GALNTL6: variants seen among roughly 807,000 people sequenced by gnomAD.
GALNTL6 encodes the protein polypeptide N-acetylgalactosaminyltransferase-like 6.
Under a neutral mutation model 73.7 loss-of-function variants are expected in GALNTL6, and 46 were observed. The observed-to-expected ratio is 0.62, with a 90% confidence interval of 0.49 to 0.80. The LOEUF (loss-of-function observed/expected upper bound fraction) is 0.80, where lower values mean the gene tolerates loss of function less well. GALNTL6 is among the 30% of genes least tolerant of loss of function. The pLI, the probability that GALNTL6 is intolerant of heterozygous loss-of-function variation, is 0.00. For missense variants in GALNTL6, 604 were observed against 755.0 expected, an observed-to-expected ratio of 0.80 and a Z score of 2.34; for synonymous variants, 259 against 263.7, an observed-to-expected ratio of 0.98 and a Z score of 0.17.
chr4:171,944,586 G>A lies in GALNTL6; in HGVS notation c.138+129868G>A, dbSNP rs576929700. Among the ~76,000 whole-genome samples, 8 of 152,006 alleles carry A rather than the reference G, an allele frequency of 5.3e-5. 1 individual carries two copies. In the South Asian group the frequency reaches 1.7e-3, roughly 32 times the overall value. ...GGTCAAAAGCTTGTGACCTTGAGATGCTTTTAAATATATTTATTGATTTAG... is the reference window on the plus strand; with the variant it reads ...GGTCAAAAGCTTGTGACCTTGAGATACTTTTAAATATATTTATTGATTTAG... On this transcript the variant is annotated intron_variant, in intron 2 of 12. Coordinates refer to ENST00000506823, the MANE Select transcript of GALNTL6 (RefSeq NM_001034845.3).
intron 1 of GALNTL6, among the ~76,000 whole-genome samples, 167 bp downstream of exon 1, chr4:171,814,157 C>T (rs1314434651): frequency 1.3e-5 from 2 of 152,154 alleles, no homozygotes; most frequent in East Asian, 3.9e-4. Context: ...CCAGCCCTCC[C>T]ACACTAAGGA....
intron 5 of GALNTL6, among the ~76,000 whole-genome samples, chr4:172,417,917 G>A (rs1730901668): frequency 6.6e-6 from 1 of 152,068 alleles, no homozygotes; most frequent in African/African-American, 2.4e-5. Flanking sequence ...AGGTTTAGAG[G>A]GTGAAAAATT....
chr4:172,687,184 T>C (rs1227721494), intron 5 of GALNTL6, among the ~76,000 whole-genome samples: 1 of 152,212 alleles, frequency 6.6e-6, no homozygotes, highest in African/African-American at 2.4e-5. Context: ...AGGATCTGTA[T>C]TTCACAAATT....
intron 4 of GALNTL6, among the ~76,000 whole-genome samples, chr4:172,314,648 C>T (rs1361736990): frequency 8.2e-6 from 1 of 122,542 alleles, no homozygotes; most frequent in Non-Finnish European, 1.6e-5. Flanking sequence ...CCCTCTGTAG[C>T]CCAGGCTGGA....
chr4:172,299,241 A>G (rs1739811565), intron 3 of GALNTL6, among the ~76,000 whole-genome samples: 1 of 151,974 alleles, frequency 6.6e-6, no homozygotes, highest in African/African-American at 2.4e-5. Context: ...TATTGCATCT[A>G]TTTGATTCTT....
At chr4:172,981,987 G>T (rs978087661) in intron 10 of GALNTL6, among the ~76,000 whole-genome samples, 69 of 151,968 alleles carry the variant, frequency 4.5e-4, no homozygotes, top group Non-Finnish European at 9.7e-4. Flanking sequence ...TAGAGACGGG[G>T]TTTCTCCATG....
chr4:172,103,121 G>C (rs1016947043), intron 2 of GALNTL6, among the ~76,000 whole-genome samples: 1 of 152,100 alleles, frequency 6.6e-6, no homozygotes, highest in Admixed American at 6.5e-5. Flanking sequence ...TCCTTCTAGA[G>C]AGACTGCAAT....
chr4:172,223,179 C>T (rs570868465), intron 2 of GALNTL6, among the ~76,000 whole-genome samples: 31 of 152,050 alleles, frequency 2.0e-4, no homozygotes, highest in African/African-American at 7.2e-4. Context: ...GTTTTAGCAA[C>T]GGATACCAGT....
chr4:172,203,146 G>T (rs1315258843), intron 2 of GALNTL6, among the ~76,000 whole-genome samples: 1 of 152,064 alleles, frequency 6.6e-6, no homozygotes, highest in African/African-American at 2.4e-5. Context: ...CACTGTAAGG[G>T]TAAAACATTT....
At chr4:171,975,537 G>T (rs1739695068) in intron 2 of GALNTL6, among the ~76,000 whole-genome samples, 1 of 151,972 alleles carries the variant, frequency 6.6e-6, no homozygotes. Context: ...AAGAGATTAG[G>T]CTGAACTGGG....
intron 5 of GALNTL6, among the ~76,000 whole-genome samples, chr4:172,645,336 C>T (rs1023261625): frequency 2.0e-5 from 3 of 151,808 alleles, no homozygotes; most frequent in African/African-American, 7.3e-5. Context: ...CTGCCTTTTC[C>T]ACTTAGGACT....
intron 5 of GALNTL6, among the ~76,000 whole-genome samples, chr4:172,671,826 TCCTTTAACA>T (rs1273701616): frequency 6.6e-6 from 1 of 152,112 alleles, no homozygotes; most frequent in Non-Finnish European, 1.5e-5. Flanking sequence ...TGAAATATGT[TCCTTTAACA>T]CCTAGGGGTT....
At chr4:172,946,499 T>A (rs1002336822) in intron 9 of GALNTL6, among the ~76,000 whole-genome samples, 12 of 152,178 alleles carry the variant, frequency 7.9e-5, no homozygotes, top group African/African-American at 4.8e-5. Flanking sequence ...CAGTGATCAG[T>A]CAAGCTGGAA....
At chr4:171,879,572 G>C (rs1419654521) in intron 2 of GALNTL6, among the ~76,000 whole-genome samples, 1 of 152,048 alleles carries the variant, frequency 6.6e-6, no homozygotes, top group Non-Finnish European at 1.5e-5. Context: ...AATATGATTA[G>C]ACAATTCATC....
At chr4:172,082,038 C>G (rs75730612) in intron 2 of GALNTL6, among the ~76,000 whole-genome samples, 1 of 151,758 alleles carries the variant, frequency 6.6e-6, no homozygotes, top group East Asian at 1.9e-4. Flanking sequence ...CAAATTGCCC[C>G]GCTAATTTTC....
chr4:172,228,412 T>G (rs10005256), intron 2 of GALNTL6, among the ~76,000 whole-genome samples: 60,264 of 151,828 alleles, frequency 0.4, 12,143 homozygotes, highest in African/African-American at 0.42. Context: ...TCTTTTCTTT[T>G]ATTTTCAACT....
chr4:172,408,066 G>A (rs1025765000), intron 5 of GALNTL6, among the ~76,000 whole-genome samples: 1 of 151,982 alleles, frequency 6.6e-6, no homozygotes, highest in Non-Finnish European at 1.5e-5. Context: ...GTAGCCATTT[G>A]TTCTTTTTGC....
At chr4:172,236,615 T>C (rs1737251551) in intron 3 of GALNTL6, among the ~76,000 whole-genome samples, 1 of 152,080 alleles carries the variant, frequency 6.6e-6, no homozygotes, top group Admixed American at 6.5e-5. Flanking sequence ...ATTACATACT[T>C]TGTTAGTGTT....
At chr4:172,367,048 C>T (rs1320535581) in intron 5 of GALNTL6, among the ~76,000 whole-genome samples, 1 of 152,158 alleles carries the variant, frequency 6.6e-6, no homozygotes, top group Non-Finnish European at 1.5e-5. Context: ...AGGTGCAAAG[C>T]ACTTTGAAAG....
Sources: gnomAD v4.1 joint callset for allele counts (sites outside exome capture counted in the v4.1 genomes callset) on GRCh38, gnomAD v4.1.1 for gene constraint, MANE v1.5 for transcripts, NCBI Gene and HGNC (gene_info 2026-07-23, HGNC 2026-07-21) for gene names.